CPQ: variants seen among roughly 807,000 people sequenced by gnomAD.
The protein encoded by CPQ is carboxypeptidase Q.
In CPQ, 37 loss-of-function variants were observed where a neutral mutation model predicts 45.7. The observed-to-expected ratio is 0.81, with a 90% CI of 0.62 to 1.07. CPQ has a LOEUF of 1.07. Among genes scored for constraint, CPQ ranks in the 50% least tolerant of loss-of-function variants. The pLI is 0.00. For synonymous variants in CPQ, 186 were observed against 205.8 expected (o/e 0.90, Z 0.82); for missense variants, 537 against 572.9 (o/e 0.94, Z 0.64).
chr8:96,889,058 T>A (rs576258255), intron 4 of CPQ, among the ~76,000 whole-genome samples: 1 of 152,308 alleles, frequency 6.6e-6, no homozygotes, highest in South Asian at 2.1e-4. Context: ...GGAGAACTTA[T>A]GCAGAAGTTG....
intron 1 of CPQ, among the ~76,000 whole-genome samples, chr8:96,732,692 G>T (rs1459397900): frequency 6.6e-6 from 1 of 151,946 alleles, no homozygotes; most frequent in Non-Finnish European, 1.5e-5. Flanking sequence ...ATCTGAAGCG[G>T]AGACCACACA....
At chr8:96,691,945 T>G (rs925941161) in intron 1 of CPQ, among the ~76,000 whole-genome samples, 2 of 152,186 alleles carry the variant, frequency 1.3e-5, no homozygotes, top group African/African-American at 4.8e-5. Context: ...AGTGTATTTC[T>G]TTTGGAAATC....
intron 2 of CPQ, among the ~76,000 whole-genome samples, chr8:96,817,600 G>A (rs1305993435): frequency 6.6e-6 from 1 of 151,340 alleles, no homozygotes; most frequent in Admixed American, 6.6e-5. Flanking sequence ...TCACGTGTTC[G>A]CTGGACTAGC....
chr8:96,797,263 G>A (rs1019454297), intron 2 of CPQ, among the ~76,000 whole-genome samples: 1 of 152,156 alleles, frequency 6.6e-6, no homozygotes, highest in Admixed American at 6.5e-5. Flanking sequence ...GAAAATCCCA[G>A]GAATGTAGTT....
intron 2 of CPQ, among the ~76,000 whole-genome samples, chr8:96,789,083 T>C (rs551916196): frequency 6.6e-6 from 1 of 152,220 alleles, no homozygotes; most frequent in African/African-American, 2.4e-5. Flanking sequence ...TTTTAGTTCC[T>C]TGAATATTTC....
At chr8:96,980,114 C>T (rs540645492) in intron 5 of CPQ, among the ~76,000 whole-genome samples, 141 of 152,184 alleles carry the variant, frequency 9.3e-4, no homozygotes, top group Middle Eastern at 3.4e-3. Context: ...TTTTCCTGGA[C>T]AAATTATTTA....
intron 1 of CPQ, among the ~76,000 whole-genome samples, chr8:96,679,503 G>C (rs111520195): frequency 0.024 from 3,690 of 152,094 alleles, 166 homozygotes; most frequent in African/African-American, 0.084. Flanking sequence ...ATTTTTGTTA[G>C]TTCTTCTTCA....
At chr8:97,036,836 C>G (rs1810014594) in intron 6 of CPQ, among the ~76,000 whole-genome samples, 1 of 152,136 alleles carries the variant, frequency 6.6e-6, no homozygotes, top group African/African-American at 2.4e-5. Flanking sequence ...CTTATTCTGG[C>G]ATGAAAAATA....
intron 2 of CPQ, among the ~76,000 whole-genome samples, chr8:96,795,786 A>C (rs1294268265): frequency 6.6e-6 from 1 of 152,094 alleles, no homozygotes; most frequent in Non-Finnish European, 1.5e-5. Flanking sequence ...AGACTTTTAA[A>C]GGAAATTTTA....
intron 1 of CPQ, among the ~76,000 whole-genome samples, chr8:96,719,950 G>A (rs542994146): frequency 1.2e-3 from 182 of 152,258 alleles, no homozygotes; most frequent in Middle Eastern, 6.8e-3. Context: ...GGCTCATGGT[G>A]TAGGCTGAAG....
chr8:96,740,331 G>A (rs972937067), intron 1 of CPQ, among the ~76,000 whole-genome samples: 1 of 152,206 alleles, frequency 6.6e-6, no homozygotes, highest in African/African-American at 2.4e-5. Flanking sequence ...AGACTTTGCT[G>A]AAGTTGCTTA....
intron 7 of CPQ, among the ~76,000 whole-genome samples, chr8:97,095,421 G>C (rs532634179): frequency 6.6e-6 from 1 of 152,224 alleles, no homozygotes; most frequent in East Asian, 1.9e-4. Context: ...CCCTTTAAAT[G>C]TAGCCTCTCC....
At position 97,101,482 on chromosome 8, in the gene CPQ, CTCTG is replaced by C. The variant is rs540139808; in HGVS notation, c.1255+35274_1255+35277del. ...TAGAAGATATACTATCTCTCTCTCT[CTCTG>C]TTTCTCTCCTTAGAGACTCTGAGTC... On this transcript the variant is annotated intron_variant, in intron 7 of 7. Transcript: ENST00000220763. Among the ~76,000 whole-genome samples the C allele has an allele frequency of 9.9e-5, 15 of 151,348 alleles. No individual in the cohort carries two copies. The South Asian group carries it at 2.3e-3, about 23-fold the overall frequency.
chr8:96,887,986 A>G (rs1276473111), intron 4 of CPQ, among the ~76,000 whole-genome samples: 2 of 152,210 alleles, frequency 1.3e-5, no homozygotes, highest in African/African-American at 4.8e-5. Context: ...TAGTTTGTTA[A>G]CTGAACACTT....
At chr8:96,846,537 C>T (rs1811692891) in intron 3 of CPQ, among the ~76,000 whole-genome samples, 5 of 152,128 alleles carry the variant, frequency 3.3e-5, no homozygotes, top group Admixed American at 2.6e-4. Context: ...CTTTTATATG[C>T]ATCTACATTC....
In CPQ at chr8:96,705,878, T is replaced by TA. The variant is rs1458804539; in HGVS notation, c.-35+60477dup. On this transcript the variant is annotated intron_variant, in intron 1 of 7. Transcript: ENST00000220763. ...TTTTCCATTATGAAATACATTTTTT[T>TA]ATCTCATATAATTTTTACCTTTGAT... 4.6e-5 allele frequency among the ~76,000 whole-genome samples: 7 copies of TA among 152,190 alleles called. No homozygotes were observed. The East Asian group carries it at 1.3e-3, about 29-fold the overall frequency.
intron 4 of CPQ, among the ~76,000 whole-genome samples, chr8:96,926,015 T>C (rs1279751748): frequency 6.6e-6 from 1 of 152,172 alleles, no homozygotes; most frequent in Non-Finnish European, 1.5e-5. Flanking sequence ...AAGCTCAAGT[T>C]ATTACAATGT....
intron 7 of CPQ, among the ~76,000 whole-genome samples, chr8:97,090,628 T>C (rs1288736875): frequency 6.6e-6 from 1 of 152,126 alleles, no homozygotes; most frequent in African/African-American, 2.4e-5. Context: ...AGATCAACCA[T>C]ATTTGACTCA....
At chr8:96,859,328 G>A (rs565721884) in intron 3 of CPQ, among the ~76,000 whole-genome samples, 3 of 152,280 alleles carry the variant, frequency 2.0e-5, no homozygotes, top group Admixed American at 6.5e-5. Context: ...TTAGTCTTCT[G>A]TACTGTGCAG....
Sources: allele counts gnomAD v4.1 joint callset (sites outside exome capture counted in the v4.1 genomes callset), GRCh38; gene constraint gnomAD v4.1.1; transcripts MANE v1.5; gene names NCBI Gene and HGNC (gene_info 2026-07-23, HGNC 2026-07-21).